Variants in MARCHF4 observed in about 807,000 individuals in gnomAD.
MARCHF4 encodes E3 ubiquitin-protein ligase MARCHF4.
A neutral mutation model predicts 43.9 loss-of-function variants in MARCHF4; 14 were observed. That is an observed-to-expected ratio of 0.32 (90% CI 0.21 to 0.50). The LOEUF (loss-of-function observed/expected upper bound fraction) is 0.50. MARCHF4 is among the 20% of genes least tolerant of loss of function. The pLI, the probability that MARCHF4 is intolerant of heterozygous loss-of-function variation, is 0.98. For missense variants in MARCHF4, 468 were observed against 536.7 expected, an observed-to-expected ratio of 0.87 and a Z score of 1.27; for synonymous variants, 226 against 213.3, an observed-to-expected ratio of 1.06 and a Z score of -0.52.
At chr2:216,299,869 A>G (rs1691458534) in intron 1 of MARCHF4, among the ~76,000 whole-genome samples, 1 of 152,214 alleles carries the variant, frequency 6.6e-6, no homozygotes, top group African/African-American at 2.4e-5. Flanking sequence ...GTCTCTTATC[A>G]TCCAGTAGAA....
intron 1 of MARCHF4, among the ~76,000 whole-genome samples, chr2:216,359,388 A>G (rs1363657355): frequency 6.6e-6 from 1 of 152,114 alleles, no homozygotes; most frequent in Non-Finnish European, 1.5e-5. Context: ...TCCCCCTATT[A>G]GCCACTTCCT....
chr2:216,333,599 C>T (rs1490363905), intron 1 of MARCHF4, among the ~76,000 whole-genome samples: 1 of 152,242 alleles, frequency 6.6e-6, no homozygotes, highest in Non-Finnish European at 1.5e-5. Context: ...GCATGCCCCA[C>T]GTCCCAGCAG....
At chr2:216,268,396 C>T (rs143526595) in intron 3 of MARCHF4, among the ~76,000 whole-genome samples, 1 of 152,202 alleles carries the variant, frequency 6.6e-6, no homozygotes, top group Non-Finnish European at 1.5e-5. Flanking sequence ...GACCTATAAT[C>T]CCTACATGTC....
chr2:216,321,885 T>C (rs1691901516), intron 1 of MARCHF4: 1 of 152,166 alleles, frequency 6.6e-6, no homozygotes. Flanking sequence ...GCATCTTGCT[T>C]GAGGAGGAGA....
chr2:216,302,865 T>G (rs925994947), intron 1 of MARCHF4, among the ~76,000 whole-genome samples: 9 of 130,070 alleles, frequency 6.9e-5, no homozygotes, highest in Admixed American at 4.5e-4. Context: ...ACCACTGCAC[T>G]CCAGCCTGGG....
chr2:216,272,846 T>G (rs1353041934), intron 3 of MARCHF4, among the ~76,000 whole-genome samples: 6 of 152,248 alleles, frequency 3.9e-5, no homozygotes, highest in African/African-American at 1.4e-4. Flanking sequence ...TACAACCCTC[T>G]GGTATAACCA....
intron 2 of MARCHF4, among the ~76,000 whole-genome samples, chr2:216,282,905 T>C (rs1691153232): frequency 6.6e-6 from 1 of 152,188 alleles, no homozygotes; most frequent in African/African-American, 2.4e-5. Context: ...GTTTCTTCTG[T>C]TTTTCCCTCT....
chr2:216,326,350 T>G (rs556155464), intron 1 of MARCHF4, among the ~76,000 whole-genome samples: 43 of 149,020 alleles, frequency 2.9e-4, no homozygotes, highest in African/African-American at 8.9e-4. Flanking sequence ...GGAACACTTT[T>G]ACACTGTTGG....
intron 1 of MARCHF4, among the ~76,000 whole-genome samples, chr2:216,299,859 GTC>G (rs1169367924): frequency 6.6e-6 from 1 of 152,246 alleles, no homozygotes; most frequent in Non-Finnish European, 1.5e-5. Context: ...TCTGCCTCAT[GTC>G]TCTTATCATC....
intron 1 of MARCHF4, among the ~76,000 whole-genome samples, chr2:216,331,863 A>G (rs557093398): frequency 2.0e-5 from 3 of 152,336 alleles, no homozygotes; most frequent in East Asian, 3.9e-4. Flanking sequence ...TAAGGTAAAA[A>G]TAATACTTGA....
chr2:216,280,365 C>G (rs543740675), intron 2 of MARCHF4, among the ~76,000 whole-genome samples: 1 of 152,038 alleles, frequency 6.6e-6, no homozygotes, highest in African/African-American at 2.4e-5. Context: ...TGCTGTGTGC[C>G]TTAGAACAGG....
chr2:216,286,369 T>C (rs900417489), intron 1 of MARCHF4, among the ~76,000 whole-genome samples: 10 of 151,810 alleles, frequency 6.6e-5, no homozygotes, highest in African/African-American at 2.2e-4. Flanking sequence ...CGAAACCCCA[T>C]CTCTACAAAA....
chr2:216,355,011 AC>A (rs1212136282), intron 1 of MARCHF4, among the ~76,000 whole-genome samples: 3 of 137,270 alleles, frequency 2.2e-5, no homozygotes, highest in Non-Finnish European at 4.6e-5. Flanking sequence ...TAACTTTGTC[AC>A]CCAGGCTAGA....
intron 3 of MARCHF4, among the ~76,000 whole-genome samples, chr2:216,275,633 C>T (rs1250279602): frequency 6.6e-6 from 1 of 152,154 alleles, no homozygotes; most frequent in Non-Finnish European, 1.5e-5. Flanking sequence ...ACATGGTGGT[C>T]TCTTCTATAT....
chr2:216,301,415 A>G (rs111844843), intron 1 of MARCHF4, among the ~76,000 whole-genome samples: 7,527 of 152,194 alleles, frequency 0.049, 595 homozygotes, highest in African/African-American at 0.17. Flanking sequence ...AGCACCACAT[A>G]GTTACTGTCA....
intron 3 of MARCHF4, among the ~76,000 whole-genome samples, chr2:216,276,254 C>T (rs1469200658): frequency 1.3e-5 from 2 of 152,220 alleles, no homozygotes; most frequent in Admixed American, 1.3e-4. Flanking sequence ...TGCTGTAAAC[C>T]TCCATATGGA....
chr2:216,259,194 C>T lies in MARCHF4; in HGVS notation c.*118G>A, dbSNP rs1295323097. ...CGCTCTGACACTACCCCAGGGCTCC[C>T]GCCAGGTCCCCCACCCTCTGCCTGC... On this transcript the variant is annotated 3_prime_UTR_variant, in exon 4 of 4. Coordinates refer to ENST00000273067, the MANE Select transcript of MARCHF4 (RefSeq NM_020814.3). 16 of 1,455,666 alleles carry T rather than the reference C, an allele frequency of 1.1e-5. No homozygotes were observed. Among genetic ancestry groups the T allele is most frequent in the Admixed American group, 2.3e-5 (1 of 43,684 alleles). The allele number at this position is 1,455,666 out of a possible 1,614,324, so 90.2% of individuals were successfully genotyped here.
intron 1 of MARCHF4, among the ~76,000 whole-genome samples, chr2:216,324,235 G>C (rs1459436962): frequency 2.0e-5 from 3 of 147,004 alleles, no homozygotes; most frequent in African/African-American, 7.6e-5. Context: ...TAAATTCCTC[G>C]ACACATACAC....
chr2:216,343,322 G>A (rs1197516171), intron 1 of MARCHF4, among the ~76,000 whole-genome samples: 4 of 152,206 alleles, frequency 2.6e-5, no homozygotes, highest in South Asian at 4.1e-4. Context: ...GGTGAGACCT[G>A]TCTTTCTAGC....
Sources: allele counts gnomAD v4.1 joint callset (sites outside exome capture counted in the v4.1 genomes callset), GRCh38; gene constraint gnomAD v4.1.1; transcripts MANE v1.5; gene names NCBI Gene and HGNC (gene_info 2026-07-23, HGNC 2026-07-21).